Variants in WWC2 observed in about 807,000 individuals in gnomAD.
WWC2 encodes WW and C2 domain containing 2.
WWC2 carries 101 observed loss-of-function variants against 138.5 expected under a neutral mutation model. The observed-to-expected ratio is 0.73, with a 90% CI of 0.62 to 0.86. The LOEUF is 0.86. Among genes scored for constraint, WWC2 ranks in the 40% least tolerant of loss-of-function variants. The pLI, the probability that WWC2 is intolerant of heterozygous loss-of-function variation, is 0.00. For missense variants in WWC2, 1,420 were observed against 1,419.4 expected, an observed-to-expected ratio of 1.00 and a Z score of -0.01; for synonymous variants, 558 against 538.4, an observed-to-expected ratio of 1.04 and a Z score of -0.50.
At position 183,208,979 on chromosome 4, in the gene WWC2, A is replaced by G. The variant is rs756677330; in HGVS notation, c.476A>G (p.Tyr159Cys). 6.4e-7 allele frequency: 1 copy of G among 1,567,278 alleles called. No individual in the cohort carries two copies. The highest frequency in any genetic ancestry group is 8.7e-7 in the Non-Finnish European group (1 of 1,153,884). ...LFSGSSSSTK[Y>C]DPDILKAEIS... Reference sequence around the variant, plus strand: ...TCAGGATCTTCATCCAGTACTAAATATGATCCCGATATTTTAAAAGCTGAG... The same window carrying G: ...TCAGGATCTTCATCCAGTACTAAATGTGATCCCGATATTTTAAAAGCTGAG... Residue 159 changes from tyrosine (Y) to cysteine (C), a missense_variant, in exon 4 of 23, where the codon TAT becomes TGT. Coordinates refer to ENST00000403733, the MANE Select transcript of WWC2 (RefSeq NM_024949.6).
At chr4:183,262,808 TA>T (rs926455313) in intron 11 of WWC2, among the ~76,000 whole-genome samples, 2 of 151,730 alleles carry the variant, frequency 1.3e-5, no homozygotes, top group African/African-American at 4.9e-5. Flanking sequence ...GTGTGTGTGT[TA>T]GGGGGTGCAT....
At position 183,244,768 on chromosome 4, in the gene WWC2, T is replaced by A. The variant is rs143004210; in HGVS notation, c.603-648T>A. 1.6e-4 allele frequency among the ~76,000 whole-genome samples: 25 copies of A among 152,316 alleles called. 2 individuals are homozygous for A. The East Asian group carries it at 4.8e-3, about 29-fold the overall frequency. On this transcript the variant is annotated intron_variant, in intron 5 of 22. Transcript: ENST00000403733. ...TAAATCAGGTGGCAGTTTACTTGCC[T>A]CTGTGTTCTTCAGCTAAAGCATTTG... is the stretch of plus-strand genomic sequence containing the variant.
At chr4:183,268,438 C>T (rs371387103) in intron 14 of WWC2, among the ~76,000 whole-genome samples, 12 of 152,176 alleles carry the variant, frequency 7.9e-5, no homozygotes, top group Admixed American at 2.0e-4. Context: ...ATTTTTGAAC[C>T]GTTGTTTCAT....
intron 1 of WWC2, among the ~76,000 whole-genome samples, chr4:183,123,243 A>G (rs991659905): frequency 2.6e-5 from 4 of 152,214 alleles, no homozygotes; most frequent in Non-Finnish European, 5.9e-5. Context: ...AATTTTGAAC[A>G]ATACAAATGT....
chr4:183,182,870 T>A (rs1734676174), intron 1 of WWC2, among the ~76,000 whole-genome samples: 1 of 152,246 alleles, frequency 6.6e-6, no homozygotes, highest in African/African-American at 2.4e-5. Flanking sequence ...TACTTCTGTA[T>A]AAATAGAAAA....
intron 1 of WWC2, among the ~76,000 whole-genome samples, chr4:183,133,488 C>T (rs1320687672): frequency 6.6e-6 from 1 of 151,708 alleles, no homozygotes; most frequent in Non-Finnish European, 1.5e-5. Context: ...TTTACTTTCT[C>T]ATGCTTTTCT....
At position 183,278,743 on chromosome 4, in the gene WWC2, G is replaced by T. The variant is rs539946432; in HGVS notation, c.2563-2033G>T. Among the ~76,000 whole-genome samples, 203 of 151,980 alleles carry T rather than the reference G, an allele frequency of 1.3e-3. 5 individuals are homozygous for T. Among genetic ancestry groups the T allele is most frequent in the African/African-American group, 4.7e-3 (195 of 41,368 alleles). The stretch of plus-strand genomic sequence containing the variant: ...GTATTTTATTCTGTTTGAAGCAATT[G>T]TGAATGGGAATTCACTCCTGATTTG... On this transcript the variant is annotated intron_variant, in intron 16 of 22. Coordinates refer to ENST00000403733, the MANE Select transcript of WWC2 (RefSeq NM_024949.6).
At chr4:183,214,948 A>G (rs761775246) in intron 4 of WWC2, among the ~76,000 whole-genome samples, 6 of 152,200 alleles carry the variant, frequency 3.9e-5, no homozygotes, top group Non-Finnish European at 8.8e-5. Flanking sequence ...TTGAAAGAGA[A>G]TGATGCTAAC....
At position 183,264,962 on chromosome 4, in the gene WWC2, A is replaced by G. The variant is rs1737451935; in HGVS notation, c.1910-16A>G. On this transcript the variant is annotated splice_polypyrimidine_tract_variant and intron_variant, in intron 11 of 22. Transcript: ENST00000403733. ...ATAAGACATTCTGATTAGTGCTCTC[A>G]CCCTCCCCTCCATAGATGTGGAAAA... 1 of 1,607,886 alleles carries G rather than the reference A, an allele frequency of 6.2e-7. No individual in the cohort carries two copies. The highest frequency in any genetic ancestry group is 8.5e-7 in the Non-Finnish European group (1 of 1,177,060).
In WWC2 at chr4:183,290,379, G is replaced by A. The variant is rs77269329; in HGVS notation, c.3384+744G>A. ...AAAATATTTAAAAAATTAGCTGGACGTGGTGGTGTGCCCCTGTAATCCCAG... is the reference window on the plus strand; with the variant it reads ...AAAATATTTAAAAAATTAGCTGGACATGGTGGTGTGCCCCTGTAATCCCAG... On this transcript the variant is annotated intron_variant, in intron 21 of 22. Coordinates refer to ENST00000403733, the MANE Select transcript of WWC2 (RefSeq NM_024949.6). Among the ~76,000 whole-genome samples, 411 of 152,134 alleles carry A rather than the reference G, an allele frequency of 2.7e-3. 2 individuals are homozygous for A. Among genetic ancestry groups the A allele is most frequent in the African/African-American group, 9.4e-3 (390 of 41,506 alleles).
intron 1 of WWC2, among the ~76,000 whole-genome samples, chr4:183,128,043 G>GA (rs528448875): frequency 0.034 from 4,054 of 120,586 alleles, 155 homozygotes; most frequent in African/African-American, 0.1. Flanking sequence ...CCCCATCTCT[G>GA]AAAAAAAAAA....
chr4:183,311,110 C>T (rs1008760985), intron 21 of WWC2, among the ~76,000 whole-genome samples: 2 of 152,100 alleles, frequency 1.3e-5, no homozygotes, highest in African/African-American at 4.8e-5. Flanking sequence ...CTTATACCAC[C>T]TTTCCTTAAA....
chr4:183,302,514 C>T (rs1000356471), intron 21 of WWC2, among the ~76,000 whole-genome samples: 4 of 152,130 alleles, frequency 2.6e-5, no homozygotes, highest in Non-Finnish European at 5.9e-5. Context: ...TCAATGTCGA[C>T]GTCGATCTCT....
At chr4:183,207,648 G>T (rs145506775) in intron 2 of WWC2, among the ~76,000 whole-genome samples, 1 of 152,110 alleles carries the variant, frequency 6.6e-6, no homozygotes, top group Admixed American at 6.5e-5. Context: ...TTGAGTGCTG[G>T]AATGAATAGC....
At chr4:183,199,713 C>T (rs570507707) in intron 2 of WWC2, among the ~76,000 whole-genome samples, 55 of 152,218 alleles carry the variant, frequency 3.6e-4, no homozygotes, top group African/African-American at 1.3e-3. Flanking sequence ...TTTGAAGAAT[C>T]TAATGTTATC....
In WWC2 at chr4:183,256,944, T is replaced by A. The variant is rs544645883; in HGVS notation, c.1197-2695T>A. 6.8e-5 allele frequency among the ~76,000 whole-genome samples: 9 copies of A among 132,602 alleles called. No homozygotes were observed. In the East Asian group the frequency reaches 2.3e-3, roughly 34 times the overall value. The allele number at this position is 132,602 out of a possible 152,430, so 87.0% of individuals were successfully genotyped here. A position where few individuals can be genotyped will look rare whatever the true frequency, so the allele number is the denominator to read the frequency against. On this transcript the variant is annotated intron_variant, in intron 9 of 22. Coordinates refer to ENST00000403733, the MANE Select transcript of WWC2 (RefSeq NM_024949.6). ...CCCACAGGGCTGCAGTGTCGCCCACTGGGCCTGATGGCAGCGACTGTGCTC... is the reference window on the plus strand; with the variant it reads ...CCCACAGGGCTGCAGTGTCGCCCACAGGGCCTGATGGCAGCGACTGTGCTC...
chr4:183,168,589 C>T (rs1246745113), intron 1 of WWC2, among the ~76,000 whole-genome samples: 1 of 152,144 alleles, frequency 6.6e-6, no homozygotes, highest in Non-Finnish European at 1.5e-5. Context: ...ATTTTGGAGA[C>T]TCCATTATTG....
intron 19 of WWC2, among the ~76,000 whole-genome samples, chr4:183,285,335 T>C (rs1220700630): frequency 6.6e-6 from 1 of 152,206 alleles, no homozygotes; most frequent in Non-Finnish European, 1.5e-5. Flanking sequence ...CCTTGAGCTC[T>C]GCTTCATGCA....
chr4:183,253,932 G>A lies in WWC2; in HGVS notation c.1129G>A (p.Glu377Lys). Residue 377 changes from glutamate (E) to lysine (K), a missense_variant, in exon 9 of 23, where the codon GAA (glutamate) becomes AAA (lysine). Glu to Lys is a moderately conservative substitution (Grantham distance 56). Coordinates refer to ENST00000403733, the MANE Select transcript of WWC2 (RefSeq NM_024949.6). ...AGATGAATTAGAACGCCTAGAAGCT[G>A]AAAGGCAGCGGCTGGAAGAAGAGTT... ...TQDELERLEA[E>K]RQRLEEELLS... 5.0e-6 allele frequency: 8 copies of A among 1,613,884 alleles called. No homozygotes were observed. The highest frequency in any genetic ancestry group is 5.9e-6 in the Non-Finnish European group (7 of 1,179,862).
Sources: allele counts gnomAD v4.1 joint callset (sites outside exome capture counted in the v4.1 genomes callset), GRCh38; gene constraint gnomAD v4.1.1; transcripts MANE v1.5; gene names NCBI Gene and HGNC (gene_info 2026-07-23, HGNC 2026-07-21).